The following PKM variants were observed in gnomAD, a reference collection of about 807,000 sequenced individuals.
PKM encodes pyruvate kinase M1/2, also known as pyruvate kinase PKM.
Under a neutral mutation model 49.8 loss-of-function variants are expected in PKM, and 18 were observed. The observed-to-expected ratio is 0.36, with a 90% CI of 0.25 to 0.54. PKM has a LOEUF of 0.54. Ranked by LOEUF, PKM falls within the 20% of genes least tolerant of loss-of-function variation. The pLI, the probability that PKM is intolerant of heterozygous loss-of-function variation, is 0.89. For synonymous variants in PKM, 239 were observed against 261.8 expected (o/e 0.91, Z 0.84); for missense variants, 508 against 713.8 (o/e 0.71, Z 3.28).
At chr15:72,231,587 GT>G (rs1172807473), upstream of PKM, 1 of 152,484 alleles carries the variant, frequency 6.6e-6, no homozygotes, top group East Asian at 1.9e-4. Flanking sequence ...CACCCCAGCT[GT>G]CCCGGCCTAC....
intron 9 of PKM, chr15:72,201,131 G>T: frequency 6.4e-6 from 1 of 157,312 alleles, no homozygotes; most frequent in East Asian, 1.9e-4. Flanking sequence ...TCAACATCAG[G>T]CTTCTCTACT....
rs552662710 is a variant in PKM at position 72,208,802 on chromosome 15, G to A, written c.655C>T (p.Pro219Ser). ...VNLPGAAVDL[P>S]AVSEKDIQDL... The stretch of plus-strand genomic sequence containing the variant: ...TGGATGTCCTTCTCCGACACAGCAG[G>A]CAAGTCCACAGCAGCCCCAGGAAGG... The change falls in exon 6 of 11, where the codon CCT (proline) becomes TCT (serine). Residue 219 changes from proline to serine, a missense_variant. Transcript: ENST00000335181. 3.7e-6 allele frequency: 6 copies of A among 1,614,078 alleles called. No individual in the cohort carries two copies. The highest frequency in any genetic ancestry group is 4.5e-5 in the East Asian group (2 of 44,868).
chr15:72,214,965 G>A (rs1026222533), intron 3 of PKM, among the ~76,000 whole-genome samples: 10 of 151,960 alleles, frequency 6.6e-5, no homozygotes, highest in African/African-American at 1.4e-4. Flanking sequence ...TTAGGAGGCC[G>A]AGGCAGTCGG....
chr15:72,231,204 C>T, upstream of PKM: 2 of 239,340 alleles, frequency 8.4e-6, no homozygotes, highest in South Asian at 7.1e-5. Flanking sequence ...GAGCCACTGC[C>T]TCAGCCTCAA....
chr15:72,214,598 T>C (rs1356172444), intron 3 of PKM, among the ~76,000 whole-genome samples: 1 of 151,762 alleles, frequency 6.6e-6, no homozygotes, highest in Non-Finnish European at 1.5e-5. Flanking sequence ...GAATTCGAGA[T>C]CAGCCTGGCC....
intron 1 of PKM, among the ~76,000 whole-genome samples, chr15:72,225,233 G>A (rs1429879311): frequency 3.3e-5 from 5 of 151,644 alleles, no homozygotes; most frequent in East Asian, 1.9e-4. Flanking sequence ...ACTGTGCCCG[G>A]CCCTCTTTAC....
intron 1 of PKM, among the ~76,000 whole-genome samples, chr15:72,220,061 C>G (rs945661501): frequency 6.6e-6 from 1 of 152,164 alleles, no homozygotes; most frequent in African/African-American, 2.4e-5. Flanking sequence ...GACAAAAACT[C>G]AGGAGAAGCT....
At chr15:72,217,263 G>A (rs867866674) in intron 3 of PKM, 146 bp downstream of exon 3, 1 of 667,788 alleles carries the variant, frequency 1.5e-6, no homozygotes, top group Non-Finnish European at 2.7e-6. Flanking sequence ...AAGGAGAGTA[G>A]GGATGGGCTA....
intron 1 of PKM, among the ~76,000 whole-genome samples, chr15:72,229,161 G>A (rs8192355): frequency 0.024 from 3,625 of 152,288 alleles, 138 homozygotes; most frequent in African/African-American, 0.084. Flanking sequence ...GGAAGACAAT[G>A]GATCAAGGCC....
At position 72,225,502 on chromosome 15, in the gene PKM, C is replaced by G. The variant is rs1048051968; in HGVS notation, c.-14+5614G>C. On this transcript the variant is annotated intron_variant, in intron 1 of 10. Transcript: ENST00000335181. ...CAGCCACATCATGCATTTTGACACCCAATCACTGTCATGAACTCTATATCC... is the reference window on the plus strand; with the variant it reads ...CAGCCACATCATGCATTTTGACACCGAATCACTGTCATGAACTCTATATCC... Among the ~76,000 whole-genome samples the G allele has an allele frequency of 2.0e-5, 3 of 152,110 alleles. No homozygotes were observed. The East Asian group carries it at 5.8e-4, about 29-fold the overall frequency.
chr15:72,209,802 T>C lies in PKM; in HGVS notation c.436A>G (p.Asn146Asp). 1 of 1,614,118 alleles carries C rather than the reference T, an allele frequency of 6.2e-7. No homozygotes were observed. The highest frequency in any genetic ancestry group is 8.5e-7 in the Non-Finnish European group (1 of 1,180,006). Residue 146 changes from asparagine to aspartate, a missense_variant, in exon 5 of 11, where the codon AAC becomes GAC. Transcript: ENST00000335181. ...KGATLKITLDNAYMEKCDENI... is the reference protein window; with the variant it reads ...KGATLKITLDDAYMEKCDENI... ...TCGTCACACTTTTCCATGTAGGCGT[T>C]ATCCAGCGTGATTTTGAGAGTGGCT...
intron 1 of PKM, among the ~76,000 whole-genome samples, chr15:72,224,507 T>C (rs1487400012): frequency 6.6e-6 from 1 of 152,122 alleles, no homozygotes; most frequent in Admixed American, 6.5e-5. Context: ...TGCTTCTATG[T>C]TACGAATTAA....
chr15:72,202,361 C>A lies in PKM; in HGVS notation c.1307+93G>T. 2 of 1,314,964 alleles carry A rather than the reference C, an allele frequency of 1.5e-6. No homozygotes were observed. Among genetic ancestry groups the A allele is most frequent in the Non-Finnish European group, 1.1e-6 (1 of 934,860 alleles). 81.5% of individuals were successfully genotyped at this position (1,314,964 alleles called of 1,614,324 possible). A position where few individuals can be genotyped will look rare whatever the true frequency, so the allele number is the denominator to read the frequency against. On this transcript the variant is annotated intron_variant, in intron 9 of 10. Transcript: ENST00000335181. This position sits in a 1 kb window ranked among gnomAD's most constrained non-coding sequence, Gnocchi z 4.5. ...AGAGGGGTCTTACCTTGGCTCAGTG[C>A]CACCTGAGCATTGTTCAATGGACTG... is the stretch of plus-strand genomic sequence containing the variant.
intron 8 of PKM, among the ~76,000 whole-genome samples, chr15:72,204,860 G>A (rs1007940740): frequency 1.3e-5 from 2 of 152,180 alleles, no homozygotes; most frequent in African/African-American, 4.8e-5. Flanking sequence ...GAAGTCACAC[G>A]ATTAAGTAGG....
At chr15:72,207,347 G>C in intron 6 of PKM, 70 bp from the exon 7 acceptor site, 2 of 1,371,454 alleles carry the variant, frequency 1.5e-6, no homozygotes, top group Non-Finnish European at 2.1e-6. Context: ...TAGACAAGAA[G>C]TTTCCCTGGG....
At position 72,210,362 on chromosome 15, in the gene PKM, A is replaced by C; in HGVS notation, c.363T>G (p.Thr121=). ...ALDTKGPEIR[T]GLIKGSGTAE... is the part of the protein sequence containing the mutation. Reference sequence around the variant, plus strand: ...GAATACTCACGCCCTTGATGAGCCCAGTTCGGATCTCAGGTCCTTTAGTGT... The same window carrying C: ...GAATACTCACGCCCTTGATGAGCCCCGTTCGGATCTCAGGTCCTTTAGTGT... The change falls in exon 4 of 11, where the codon ACT becomes ACG. Residue 121 remains threonine (T), a synonymous_variant. Transcript: ENST00000335181. The C allele has an allele frequency of 1.7e-5, 28 of 1,614,166 alleles. No homozygotes were observed. The highest frequency in any genetic ancestry group is 2.4e-5 in the Non-Finnish European group (28 of 1,180,018).
At chr15:72,228,251 G>A (rs1328109363) in intron 1 of PKM, among the ~76,000 whole-genome samples, 1 of 152,166 alleles carries the variant, frequency 6.6e-6, no homozygotes. Context: ...GCTACAAAAG[G>A]GCCAGGAATG....
intron 3 of PKM, among the ~76,000 whole-genome samples, chr15:72,211,137 C>G (rs1220087702): frequency 6.6e-6 from 1 of 151,502 alleles, no homozygotes; most frequent in Non-Finnish European, 1.5e-5. Flanking sequence ...ACTATCTAGG[C>G]TCACTGCAAG....
At chr15:72,203,237 A>G (rs202051759) in intron 8 of PKM, 2 of 1,515,936 alleles carry the variant, frequency 1.3e-6, no homozygotes, top group Non-Finnish European at 1.8e-6. Flanking sequence ...AGGAGGAGGA[A>G]AAAAACGAGA....
Sources: allele counts gnomAD v4.1 joint callset (sites outside exome capture counted in the v4.1 genomes callset), GRCh38; gene constraint gnomAD v4.1.1; non-coding constraint Gnocchi (gnomAD v3.1); transcripts MANE v1.5; gene names NCBI Gene and HGNC (gene_info 2026-07-23, HGNC 2026-07-21).